The following RAB4B variants were observed in gnomAD, a reference collection of about 807,000 sequenced individuals.
RAB4B encodes the protein ras-related protein Rab-4B.
RAB4B carries 15 observed loss-of-function variants against 28.3 expected under a neutral mutation model. That is an observed-to-expected ratio of 0.53 (90% confidence interval 0.35 to 0.82). RAB4B has a LOEUF of 0.82. RAB4B is among the 40% of genes least tolerant of loss of function. RAB4B has a pLI of 0.01. For missense variants in RAB4B, 244 were observed against 288.5 expected (o/e 0.85, Z 1.12); for synonymous variants, 108 against 116.3 (o/e 0.93, Z 0.46).
chr19:40,784,150 G>T, intron 5 of RAB4B, 75 bp downstream of exon 5: 1 of 1,489,182 alleles, frequency 6.7e-7, no homozygotes. Flanking sequence ...CTGGCTCTCA[G>T]TGGCTGTACC....
chr19:40,784,012 A>G lies in RAB4B; in HGVS notation c.367A>G (p.Lys123Glu). 6.2e-7 allele frequency: 1 copy of G among 1,614,124 alleles called. No individual in the cohort carries two copies. ...CGTGGTCATCCTCTGTGGCAACAAG[A>G]AGGACCTGGACCCTGAGCGGGAGGT... is the stretch of plus-strand genomic sequence containing the variant. ...NIVVILCGNKKDLDPEREVTF... is the reference protein window; with the variant it reads ...NIVVILCGNKEDLDPEREVTF... Residue 123 changes from lysine to glutamate, a missense_variant, in exon 5 of 8, where the codon AAG (lysine) becomes GAG (glutamate). Lys to Glu is a moderately conservative substitution (Grantham distance 56). Transcript: ENST00000357052.
At position 40,786,829 on chromosome 19, in the gene RAB4B, C is replaced by G. The variant is rs1599744723; in HGVS notation, c.527-19C>G. On this transcript the variant is annotated intron_variant, in intron 6 of 7. Coordinates refer to ENST00000357052, the MANE Select transcript of RAB4B (RefSeq NM_016154.5). ...GGGGTCTCCAGGCAACCAATGCTGA[C>G]CTCTCCCCTTCCCCACAGGCGAGCT... The G allele has an allele frequency of 6.2e-7, 1 of 1,613,998 alleles. No individual in the cohort carries two copies. Among genetic ancestry groups the G allele is most frequent in the South Asian group, 1.1e-5 (1 of 91,092 alleles).
chr19:40,789,766 TG>T (rs2083139792), intron 7 of RAB4B, among the ~76,000 whole-genome samples: 1 of 152,190 alleles, frequency 6.6e-6, no homozygotes, highest in African/African-American at 2.4e-5. Context: ...CCCAAAGTGC[TG>T]GGATTACAGG....
At chr19:40,783,682 G>T (rs973719859) in intron 3 of RAB4B, 96 bp from the exon 4 acceptor site, 26 of 1,254,832 alleles carry the variant, frequency 2.1e-5, no homozygotes, top group Middle Eastern at 3.0e-4. Flanking sequence ...GCAGTGAAGG[G>T]GGGGGCCTCC....
chr19:40,788,927 G>A (rs1247385317), intron 7 of RAB4B, among the ~76,000 whole-genome samples: 1 of 151,158 alleles, frequency 6.6e-6, no homozygotes, highest in East Asian at 2.0e-4. Flanking sequence ...AACTACAGGC[G>A]CCCGCCACCA....
chr19:40,780,418 A>C lies in RAB4B; in HGVS notation c.131A>C (p.Glu44Ala). ...GACTCCAACCACACAATCGGCGTGG[A>C]GTTTGGATCCCGGGTGGTCAACGTG... ...KQDSNHTIGV[E>A]FGSRVVNVGG... The change falls in exon 3 of 8, where the codon GAG becomes GCG. Residue 44 changes from glutamate to alanine, a missense_variant. Coordinates refer to ENST00000357052, the MANE Select transcript of RAB4B (RefSeq NM_016154.5). 6.2e-7 allele frequency: 1 copy of C among 1,613,042 alleles called. No individual in the cohort carries two copies. Among genetic ancestry groups the C allele is most frequent in the Non-Finnish European group, 8.5e-7 (1 of 1,179,584 alleles).
At position 40,783,898 on chromosome 19, in the gene RAB4B, CCTCCCTT is replaced by C. The variant is rs1261258799; in HGVS notation, c.276-11_276-5del. ...GGTGGTTCCTCTCCTGCACTGCCTC[CCTCCCTT>C]CTCCCTTCTCCACAGCCGGGAGACA... On this transcript the variant is annotated splice_polypyrimidine_tract_variant and intron_variant, in intron 4 of 7. Transcript: ENST00000357052. 2 of 1,592,186 alleles carry C rather than the reference CCTCCCTT, an allele frequency of 1.3e-6. No homozygotes were observed. The highest frequency in any genetic ancestry group is 1.3e-5 in the African/African-American group (1 of 74,568).
chr19:40,786,717 G>A lies in RAB4B; in HGVS notation c.483G>A (p.Ala161=), dbSNP rs376770707. ...SALTGENVEE[A]FLKCARTILN... ...TCACAGGCGAGAACGTGGAGGAGGC[G>A]TTCCTCAAGTGTGCCCGCACTATCC... is the stretch of plus-strand genomic sequence containing the variant. Residue 161 remains alanine, a synonymous_variant, in exon 6 of 8, where the codon GCG becomes GCA. Coordinates refer to ENST00000357052, the MANE Select transcript of RAB4B (RefSeq NM_016154.5). 9.3e-6 allele frequency: 15 copies of A among 1,614,010 alleles called. No individual in the cohort carries two copies. Among genetic ancestry groups the A allele is most frequent in the Admixed American group, 1.7e-5 (1 of 59,990 alleles).
Position 40,784,034 on chromosome 19 carries a change from A to T in RAB4B, c.389A>T (p.Glu130Val), listed in dbSNP as rs1199920796. ...AAGAAGGACCTGGACCCTGAGCGGG[A>T]GGTCACTTTCCTGGAGGCCTCCCGC... ...GNKKDLDPEREVTFLEASRFA... is the reference protein window; with the variant it reads ...GNKKDLDPERVVTFLEASRFA... Residue 130 changes from glutamate to valine, a missense_variant, in exon 5 of 8, where the codon GAG (glutamate) becomes GTG (valine). Glu to Val is a moderately radical substitution (Grantham distance 121, BLOSUM62 -2). Transcript: ENST00000357052. 3 of 1,613,782 alleles carry T rather than the reference A, an allele frequency of 1.9e-6. No homozygotes were observed. In the African/African-American group the frequency reaches 4.0e-5, roughly 22 times the overall value.
chr19:40,778,534 G>A (rs986534151), intron 1 of RAB4B, 143 bp downstream of exon 1: 3 of 827,850 alleles, frequency 3.6e-6, no homozygotes, highest in South Asian at 2.4e-5. Context: ...GAGGGGTTTA[G>A]TGGGTCTGAG....
chr19:40,793,696 C>T (rs1475459439), intron 7 of RAB4B, among the ~76,000 whole-genome samples: 2 of 145,812 alleles, frequency 1.4e-5, no homozygotes, highest in Non-Finnish European at 3.0e-5. Flanking sequence ...GAGGCTGAGG[C>T]GGGCAGATCA....
intron 3 of RAB4B, among the ~76,000 whole-genome samples, chr19:40,782,148 C>T (rs757481357): frequency 5.3e-5 from 8 of 151,642 alleles, no homozygotes; most frequent in East Asian, 3.9e-4. Context: ...TTAATTCTTG[C>T]GTATGGATTA....
Position 40,780,391 on chromosome 19 carries a change from A to G in RAB4B, c.104A>G (p.Gln35Arg). ...CTGTTCCTCCTACTCCCAGTCAAAC[A>G]GGACTCCAACCACACAATCGGCGTG... Reference protein sequence around the residue: ...LHQFIENKFKQDSNHTIGVEF... With the variant: ...LHQFIENKFKRDSNHTIGVEF... The change falls in exon 3 of 8, where the codon CAG becomes CGG. Residue 35 changes from glutamine (Q) to arginine (R), a missense_variant. Transcript: ENST00000357052. The G allele has an allele frequency of 6.2e-7, 1 of 1,608,596 alleles. No homozygotes were observed. The highest frequency in any genetic ancestry group is 8.5e-7 in the Non-Finnish European group (1 of 1,177,330).
chr19:40,781,741 G>A (rs1006010950), intron 3 of RAB4B, among the ~76,000 whole-genome samples: 1 of 152,136 alleles, frequency 6.6e-6, no homozygotes, highest in Non-Finnish European at 1.5e-5. Flanking sequence ...CTTAGGAGAG[G>A]CCGGGCGTGG....
chr19:40,787,584 GGA>G (rs1213307532), intron 7 of RAB4B, among the ~76,000 whole-genome samples: 1 of 149,412 alleles, frequency 6.7e-6, no homozygotes, highest in Admixed American at 6.8e-5. Flanking sequence ...AGGCACTGGG[GGA>G]GAGGGGTCAG....
At position 40,786,746 on chromosome 19, in the gene RAB4B, A is replaced by G; in HGVS notation, c.512A>G (p.Asn171Ser). ...CTCAAGTGTGCCCGCACTATCCTCA[A>G]CAAGATTGACTCAGGTGAGGCCCCG... is the stretch of plus-strand genomic sequence containing the variant. ...AFLKCARTIL[N>S]KIDSGELDPE... Residue 171 changes from asparagine to serine, a missense_variant, in exon 6 of 8, where the codon AAC (asparagine) becomes AGC (serine). Physicochemically the swap from Asn to Ser is conservative, Grantham distance 46. Transcript: ENST00000357052. 1 of 1,614,144 alleles carries G rather than the reference A, an allele frequency of 6.2e-7. No individual in the cohort carries two copies. The highest frequency in any genetic ancestry group is 8.5e-7 in the Non-Finnish European group (1 of 1,179,988).
chr19:40,782,983 C>T (rs2083063647), intron 3 of RAB4B, among the ~76,000 whole-genome samples: 1 of 151,782 alleles, frequency 6.6e-6, no homozygotes, highest in Non-Finnish European at 1.5e-5. Context: ...ACTAAAAATA[C>T]AAAAATTAGC....
chr19:40,784,505 CAACAACAA>C (rs1442376357), intron 5 of RAB4B, among the ~76,000 whole-genome samples: 1 of 151,804 alleles, frequency 6.6e-6, no homozygotes, highest in African/African-American at 2.4e-5. Flanking sequence ...AAAACAACAA[CAACAACAA>C]AACAACAACA....
At chr19:40,780,647 C>T in intron 3 of RAB4B, 148 bp downstream of exon 3, 1 of 664,984 alleles carries the variant, frequency 1.5e-6, no homozygotes, top group Non-Finnish European at 2.6e-6. Context: ...GTATATATAT[C>T]CAAGGAGAGA....
Sources: allele counts gnomAD v4.1 joint callset (sites outside exome capture counted in the v4.1 genomes callset), GRCh38; gene constraint gnomAD v4.1.1; transcripts MANE v1.5; gene names NCBI Gene and HGNC (gene_info 2026-07-23, HGNC 2026-07-21).